L3MBTL3: variants seen among roughly 807,000 people sequenced by gnomAD.
L3MBTL3 encodes L3MBTL histone methyl-lysine binding protein 3, also known as lethal(3)malignant brain tumor-like protein 3.
Under a neutral mutation model 102.3 loss-of-function variants are expected in L3MBTL3, and 27 were observed. The ratio of observed to expected loss-of-function variants is 0.26; its 90% CI spans 0.19 to 0.36. L3MBTL3 has a LOEUF of 0.36. Ranked by LOEUF, L3MBTL3 falls within the 10% of genes least tolerant of loss-of-function variation. The pLI is 1.00. For synonymous variants in L3MBTL3, 340 were observed against 320.9 expected (o/e 1.06, Z -0.64); for missense variants, 798 against 955.3 (o/e 0.84, Z 2.17).
At chr6:130,072,173 T>C (rs1226995570) in intron 13 of L3MBTL3, among the ~76,000 whole-genome samples, 2 of 151,564 alleles carry the variant, frequency 1.3e-5, no homozygotes, top group Admixed American at 1.3e-4. Context: ...ATAAAAATAA[T>C]ACAAATACAA....
At chr6:130,067,253 A>G (rs898312027) in intron 11 of L3MBTL3, among the ~76,000 whole-genome samples, 2 of 152,090 alleles carry the variant, frequency 1.3e-5, no homozygotes, top group African/African-American at 2.4e-5. Flanking sequence ...AGCTGGGATT[A>G]CAGGTGCCTG....
At chr6:130,127,891 A>C (rs1786722500) in intron 20 of L3MBTL3, among the ~76,000 whole-genome samples, 1 of 152,202 alleles carries the variant, frequency 6.6e-6, no homozygotes, top group Non-Finnish European at 1.5e-5. Flanking sequence ...ATTATAGAAC[A>C]ATTAGCAAAT....
chr6:130,127,398 C>T (rs1786680054), intron 20 of L3MBTL3, among the ~76,000 whole-genome samples: 1 of 152,150 alleles, frequency 6.6e-6, no homozygotes, highest in Non-Finnish European at 1.5e-5. Flanking sequence ...TCCTTTAATT[C>T]AGAGCATTTA....
At chr6:130,086,116 C>T in intron 15 of L3MBTL3, 24 bp from the exon 16 acceptor site, 1 of 1,479,676 alleles carries the variant, frequency 6.8e-7, no homozygotes, top group South Asian at 1.1e-5. Context: ...TTATCTCACT[C>T]TGTAAAATTT....
chr6:130,104,869 C>G (rs1468033498), intron 19 of L3MBTL3, among the ~76,000 whole-genome samples: 1 of 151,654 alleles, frequency 6.6e-6, no homozygotes, highest in African/African-American at 2.4e-5. Flanking sequence ...TTACTGCATA[C>G]CAGTTAATAT....
At chr6:130,048,996 G>T (rs1276362403) in intron 3 of L3MBTL3, among the ~76,000 whole-genome samples, 3 of 135,392 alleles carry the variant, frequency 2.2e-5, no homozygotes, top group Non-Finnish European at 3.1e-5. Flanking sequence ...TGTTTGAAAT[G>T]ATAGCCTATC....
At chr6:130,091,403 A>G (rs894424451) in intron 16 of L3MBTL3, among the ~76,000 whole-genome samples, 1 of 152,158 alleles carries the variant, frequency 6.6e-6, no homozygotes, top group African/African-American at 2.4e-5. Flanking sequence ...ATTTAAAAAT[A>G]AAATATCTAA....
intron 20 of L3MBTL3, among the ~76,000 whole-genome samples, chr6:130,122,505 A>G (rs1399367676): frequency 2.6e-5 from 4 of 152,212 alleles, no homozygotes; most frequent in Non-Finnish European, 5.9e-5. Flanking sequence ...GAGGATGATG[A>G]TAGTATACCT....
chr6:130,028,135 G>A lies in L3MBTL3; in HGVS notation c.-16+5830G>A, dbSNP rs540225517. ...TCTGTTCCTTCTTTAGAGGAAGTAA[G>A]TAGGTTAGGCCACAGAATCTCAAAT... On this transcript the variant is annotated intron_variant, in intron 2 of 22. Coordinates refer to ENST00000361794, the MANE Select transcript of L3MBTL3 (RefSeq NM_032438.4). Among the ~76,000 whole-genome samples, 4 of 149,918 alleles carry A rather than the reference G, an allele frequency of 2.7e-5. No individual in the cohort carries two copies. In the South Asian group the frequency reaches 6.3e-4, roughly 24 times the overall value.
At chr6:130,025,998 G>A (rs557102136) in intron 2 of L3MBTL3, among the ~76,000 whole-genome samples, 113 of 152,258 alleles carry the variant, frequency 7.4e-4, no homozygotes, top group Admixed American at 1.9e-3. Flanking sequence ...CCATGGTTAA[G>A]TGTGGGTGAA....
At chr6:130,048,632 C>T (rs1289868719) in intron 3 of L3MBTL3, among the ~76,000 whole-genome samples, 1 of 152,146 alleles carries the variant, frequency 6.6e-6, no homozygotes, top group African/African-American at 2.4e-5. Context: ...GTTCAGGTCC[C>T]AGAGAAATTT....
chr6:130,101,023 C>T (rs983768974), intron 18 of L3MBTL3, among the ~76,000 whole-genome samples: 2 of 152,078 alleles, frequency 1.3e-5, no homozygotes, highest in African/African-American at 2.4e-5. Context: ...TCATGATATT[C>T]GAGGAATAGC....
intron 2 of L3MBTL3, among the ~76,000 whole-genome samples, chr6:130,031,650 C>A (rs1053061704): frequency 6.6e-6 from 1 of 152,134 alleles, no homozygotes; most frequent in African/African-American, 2.4e-5. Context: ...ATCAGACCAG[C>A]ATCGTGACCA....
intron 2 of L3MBTL3, among the ~76,000 whole-genome samples, chr6:130,034,309 AT>A (rs1456670802): frequency 6.6e-6 from 1 of 152,228 alleles, no homozygotes; most frequent in African/African-American, 2.4e-5. Context: ...TTGAAAAAAA[AT>A]CATTTTAGCA....
chr6:130,025,852 A>G lies in L3MBTL3; in HGVS notation c.-16+3547A>G, dbSNP rs114230711. 3.6e-3 allele frequency among the ~76,000 whole-genome samples: 549 copies of G among 152,292 alleles called. 3 individuals are homozygous for G. Among genetic ancestry groups the G allele is most frequent in the African/African-American group, 0.012 (505 of 41,568 alleles). On this transcript the variant is annotated intron_variant, in intron 2 of 22. Transcript: ENST00000361794. The stretch of plus-strand genomic sequence containing the variant: ...TGTTGTGAACTGCTTCACAAAATCA[A>G]CAATTACAGCAGGGTTGAATGAATG...
intron 20 of L3MBTL3, among the ~76,000 whole-genome samples, chr6:130,131,459 C>T (rs1439608303): frequency 6.6e-6 from 1 of 152,178 alleles, no homozygotes; most frequent in African/African-American, 2.4e-5. Flanking sequence ...ATGCTGCGAC[C>T]TCAGAGTTTC....
intron 11 of L3MBTL3, among the ~76,000 whole-genome samples, chr6:130,067,692 T>C (rs1782353397): frequency 6.6e-6 from 1 of 152,208 alleles, no homozygotes; most frequent in Non-Finnish European, 1.5e-5. Context: ...AGCTGGTTTT[T>C]TCATGCTGCT....
At chr6:130,100,871 G>T (rs1358745395) in intron 18 of L3MBTL3, among the ~76,000 whole-genome samples, 1 of 152,110 alleles carries the variant, frequency 6.6e-6, no homozygotes, top group Admixed American at 6.5e-5. Context: ...AGAATCCTGC[G>T]AGTCTTCCCA....
intron 8 of L3MBTL3, 144 bp from the exon 9 acceptor site, chr6:130,057,262 G>A: frequency 1.4e-6 from 1 of 704,288 alleles, no homozygotes; most frequent in Non-Finnish European, 2.5e-6. Context: ...GGGAAGACGA[G>A]CCAGGAAGAG....
Sources: allele counts gnomAD v4.1 joint callset (sites outside exome capture counted in the v4.1 genomes callset), GRCh38; gene constraint gnomAD v4.1.1; transcripts MANE v1.5; gene names NCBI Gene and HGNC (gene_info 2026-07-23, HGNC 2026-07-21).